The following RCAN2 variants were observed in gnomAD, a reference collection of about 807,000 sequenced individuals.
RCAN2 encodes calcipressin-2.
In RCAN2, 9 loss-of-function variants were observed where a neutral mutation model predicts 23.6. The ratio of observed to expected loss-of-function variants is 0.38; its 90% confidence interval spans 0.23 to 0.67. The LOEUF (loss-of-function observed/expected upper bound fraction) is 0.67, where lower values mean the gene tolerates loss of function less well. Among genes scored for constraint, RCAN2 ranks in the 30% least tolerant of loss-of-function variants. The pLI, the probability that RCAN2 is intolerant of heterozygous loss-of-function variation, is 0.51. For synonymous variants in RCAN2, 109 were observed against 115.7 expected (o/e 0.94, Z 0.37); for missense variants, 273 against 302.3 (o/e 0.90, Z 0.72).
chr6:46,222,805 A>G lies in RCAN2; in HGVS notation c.*336T>C. On this transcript the variant is annotated 3_prime_UTR_variant, in exon 5 of 5. Coordinates refer to ENST00000371374, the MANE Select transcript of RCAN2 (RefSeq NM_001251974.2). ...GCACACACATCAGGACTGGGACTGA[A>G]ACAGCTCACAAACAACACAGGTGCT... 3.9e-6 allele frequency: 1 copy of G among 258,382 alleles called. No individual in the cohort carries two copies. Among genetic ancestry groups the G allele is most frequent in the African/African-American group, 2.3e-5 (1 of 44,338 alleles). 16.0% of individuals were successfully genotyped at this position (258,382 alleles called of 1,614,324 possible).
intron 2 of RCAN2, among the ~76,000 whole-genome samples, chr6:46,303,064 G>T (rs1762956594): frequency 6.6e-6 from 1 of 151,932 alleles, no homozygotes; most frequent in South Asian, 2.1e-4. Context: ...TGACCCATAT[G>T]GTGGTGGTGG....
At chr6:46,295,185 G>T (rs546743251) in intron 2 of RCAN2, among the ~76,000 whole-genome samples, 24 of 152,116 alleles carry the variant, frequency 1.6e-4, no homozygotes, top group African/African-American at 5.6e-4. Flanking sequence ...ATCTCCCTCC[G>T]CATGCTTTGT....
In RCAN2 at chr6:46,313,977, C is replaced by T. The variant is rs563718458; in HGVS notation, c.226-65081G>A. Among the ~76,000 whole-genome samples, 306 of 149,792 alleles carry T rather than the reference C, an allele frequency of 2.0e-3. 1 individual carries two copies. Among genetic ancestry groups the T allele is most frequent in the South Asian group, 0.014 (64 of 4,612 alleles). ...TGCTCATTAATAATTCAAATCTACTCTTATTTATTCAAGCAACAAATAGTG... is the reference window on the plus strand; with the variant it reads ...TGCTCATTAATAATTCAAATCTACTTTTATTTATTCAAGCAACAAATAGTG... On this transcript the variant is annotated intron_variant, in intron 2 of 4. Transcript: ENST00000371374.
intron 1 of RCAN2, among the ~76,000 whole-genome samples, chr6:46,476,708 T>C (rs1303480607): frequency 6.8e-6 from 1 of 146,518 alleles, no homozygotes; most frequent in Non-Finnish European, 1.5e-5. Context: ...TATTTTGTCT[T>C]TTGTTCTAGG....
intron 4 of RCAN2, among the ~76,000 whole-genome samples, chr6:46,224,260 G>A (rs1765572891): frequency 6.6e-6 from 1 of 152,138 alleles, no homozygotes; most frequent in Admixed American, 6.5e-5. Flanking sequence ...CTTCATTGTT[G>A]ACATACTAAT....
intron 2 of RCAN2, among the ~76,000 whole-genome samples, chr6:46,434,424 T>G (rs1227432764): frequency 1.3e-5 from 2 of 152,046 alleles, no homozygotes; most frequent in Non-Finnish European, 2.9e-5. Context: ...AGACCTTACA[T>G]GACAGTTTTT....
chr6:46,325,578 C>T, intron 2 of RCAN2: 1 of 1,517,436 alleles, frequency 6.6e-7, no homozygotes, highest in South Asian at 1.3e-5. Context: ...GGCCTCGGTG[C>T]TGCCTTGCTC....
At chr6:46,337,992 T>C (rs4537138) in intron 2 of RCAN2, among the ~76,000 whole-genome samples, 2,985 of 152,160 alleles carry the variant, frequency 0.02, 76 homozygotes, top group African/African-American at 0.065. Flanking sequence ...TGCATGGGAA[T>C]GGAAGGATAT....
At position 46,306,737 on chromosome 6, in the gene RCAN2, GC is replaced by G. The variant is rs200352230; in HGVS notation, c.226-57842del. On this transcript the variant is annotated intron_variant, in intron 2 of 4. Coordinates refer to ENST00000371374, the MANE Select transcript of RCAN2 (RefSeq NM_001251974.2). ...AGGAGCTCACTAAACGTTTCTGGAAGCCTTCTTAAGTCTTTGCTCAAATGCC... is the reference window on the plus strand; with the variant it reads ...AGGAGCTCACTAAACGTTTCTGGAAGCTTCTTAAGTCTTTGCTCAAATGCC... Among the ~76,000 whole-genome samples the G allele has an allele frequency of 6.6e-3, 999 of 152,150 alleles. 12 individuals are homozygous for G. Among genetic ancestry groups the G allele is most frequent in the African/African-American group, 0.023 (939 of 41,504 alleles).
chr6:46,258,678 G>C (rs888995388), intron 2 of RCAN2, among the ~76,000 whole-genome samples: 1 of 152,154 alleles, frequency 6.6e-6, no homozygotes, highest in Non-Finnish European at 1.5e-5. Context: ...CCATGTTCCA[G>C]TCTATTATTT....
intron 2 of RCAN2, among the ~76,000 whole-genome samples, chr6:46,271,238 G>A (rs935107): frequency 0.78 from 119,343 of 152,100 alleles, 47,128 homozygotes; most frequent in Non-Finnish European, 0.83. Context: ...AGGCTTGACA[G>A]GGCTGAAATC....
chr6:46,228,137 A>G (rs1373983507), intron 4 of RCAN2, among the ~76,000 whole-genome samples: 1 of 152,192 alleles, frequency 6.6e-6, no homozygotes, highest in Non-Finnish European at 1.5e-5. Context: ...GTGGTCTGAG[A>G]GACAGTTTGT....
chr6:46,266,696 A>C (rs1018325739), intron 2 of RCAN2, among the ~76,000 whole-genome samples: 10 of 152,168 alleles, frequency 6.6e-5, no homozygotes, highest in African/African-American at 2.2e-4. Flanking sequence ...GATCTCACTC[A>C]ATTGTAACTA....
intron 2 of RCAN2, among the ~76,000 whole-genome samples, chr6:46,274,628 C>T (rs1419917311): frequency 6.6e-6 from 1 of 152,114 alleles, no homozygotes; most frequent in Non-Finnish European, 1.5e-5. Flanking sequence ...AGCACCTGTG[C>T]CTCACCACCT....
chr6:46,226,504 C>G (rs1377495017), intron 4 of RCAN2, among the ~76,000 whole-genome samples: 14 of 152,084 alleles, frequency 9.2e-5, no homozygotes, highest in Non-Finnish European at 5.9e-5. Context: ...CCTTCACATC[C>G]CTTCTAAGTT....
chr6:46,326,969 G>A (rs901940643), intron 2 of RCAN2, among the ~76,000 whole-genome samples: 6 of 152,316 alleles, frequency 3.9e-5, no homozygotes, highest in Admixed American at 1.3e-4. Context: ...GTGTCTTTGT[G>A]CATTTGTTCA....
chr6:46,324,682 G>A (rs1272632104), intron 2 of RCAN2, among the ~76,000 whole-genome samples: 2 of 152,162 alleles, frequency 1.3e-5, no homozygotes, highest in Non-Finnish European at 2.9e-5. Flanking sequence ...GAAAATAAAA[G>A]GGAATGAATA....
chr6:46,250,836 G>A (rs754331187), intron 2 of RCAN2, among the ~76,000 whole-genome samples: 1 of 152,122 alleles, frequency 6.6e-6, no homozygotes, highest in Admixed American at 6.5e-5. Flanking sequence ...GGAGTAACTC[G>A]AATGTCAGGG....
At chr6:46,331,318 T>G (rs1031281343) in intron 2 of RCAN2, among the ~76,000 whole-genome samples, 4 of 152,184 alleles carry the variant, frequency 2.6e-5, no homozygotes. Flanking sequence ...GTTTTTTTTT[T>G]TCATGATTTA....
Sources: gnomAD v4.1 joint callset for allele counts (sites outside exome capture counted in the v4.1 genomes callset) on GRCh38, gnomAD v4.1.1 for gene constraint, MANE v1.5 for transcripts, NCBI Gene and HGNC (gene_info 2026-07-23, HGNC 2026-07-21) for gene names.